Variants in VPS13A observed in about 807,000 individuals in gnomAD.
VPS13A encodes intermembrane lipid transfer protein VPS13A.
Under a neutral mutation model 390.9 loss-of-function variants are expected in VPS13A, and 264 were observed. The observed-to-expected ratio is 0.68, with a 90% CI of 0.61 to 0.75. VPS13A has a LOEUF of 0.75. Ranked by LOEUF, VPS13A falls within the 30% of genes least tolerant of loss-of-function variation. The pLI is 0.00. For synonymous variants in VPS13A, 1,231 were observed against 1,227.1 expected (o/e 1.00, Z -0.07); for missense variants, 3,409 against 3,733.9 (o/e 0.91, Z 2.27).
chr9:77,321,455 CA>C (rs1470430849), intron 43 of VPS13A, 35 bp from the exon 44 acceptor site: 20 of 1,610,798 alleles, frequency 1.2e-5, no homozygotes, highest in Non-Finnish European at 1.7e-5. Context: ...TAATTTTACA[CA>C]TTTCATTTTA....
chr9:77,372,082 T>A (rs1208558567), intron 67 of VPS13A, among the ~76,000 whole-genome samples: 2 of 151,116 alleles, frequency 1.3e-5, no homozygotes, highest in Non-Finnish European at 3.0e-5. Context: ...TCCAAGTCTT[T>A]GCTATTGTGA....
At chr9:77,414,312 C>A (rs1198697969) in intron 71 of VPS13A, among the ~76,000 whole-genome samples, 1 of 152,154 alleles carries the variant, frequency 6.6e-6, no homozygotes, top group African/African-American at 2.4e-5. Flanking sequence ...CGGCACTATT[C>A]ACAATAGCAA....
At chr9:77,362,579 A>G (rs1026610341) in intron 59 of VPS13A, among the ~76,000 whole-genome samples, 1 of 152,182 alleles carries the variant, frequency 6.6e-6, no homozygotes, top group Non-Finnish European at 1.5e-5. Context: ...CTTTTTCAAG[A>G]TGGGTTTGGC....
At chr9:77,234,542 G>T (rs1271555537) in intron 17 of VPS13A, among the ~76,000 whole-genome samples, 1 of 152,060 alleles carries the variant, frequency 6.6e-6, no homozygotes, top group Non-Finnish European at 1.5e-5. Context: ...TTTTCGATGG[G>T]TTTATTGGGA....
rs1299158011 is a variant in VPS13A at position 77,314,646 on chromosome 9, T to A, written c.4394T>A (p.Val1465Asp). ...NCILDDKRPHVKKATPRMIGL... is the reference protein window; with the variant it reads ...NCILDDKRPHDKKATPRMIGL... ...ATTTTAGATGATAAAAGACCTCATG[T>A]CAAGAAAGCAACTCCTCGGTATGTA... is the stretch of plus-strand genomic sequence containing the variant. Residue 1465 changes from valine to aspartate, a missense_variant, in exon 37 of 72, where the codon GTC (valine) becomes GAC (aspartate). Coordinates refer to ENST00000360280, the MANE Select transcript of VPS13A (RefSeq NM_033305.3). 6.2e-7 allele frequency: 1 copy of A among 1,612,426 alleles called. No individual in the cohort carries two copies. Among genetic ancestry groups the A allele is most frequent in the Non-Finnish European group, 8.5e-7 (1 of 1,178,930 alleles).
intron 33 of VPS13A, among the ~76,000 whole-genome samples, chr9:77,301,181 T>A (rs1208247423): frequency 6.6e-6 from 1 of 152,210 alleles, no homozygotes; most frequent in Non-Finnish European, 1.5e-5. Flanking sequence ...CTCAAAGATA[T>A]ATAGATGAAG....
chr9:77,303,067 CT>C lies in VPS13A; in HGVS notation c.3960+12del. ...GCTCAGCTGAAACCAATGGAGGTAA[CT>C]TTTTTTGGATACTTATCAATTTTTG... On this transcript the variant is annotated splice_donor_region_variant and intron_variant, in intron 34 of 71. Coordinates refer to ENST00000360280, the MANE Select transcript of VPS13A (RefSeq NM_033305.3). The C allele has an allele frequency of 1.2e-6, 2 of 1,613,656 alleles. No individual in the cohort carries two copies. Among genetic ancestry groups the C allele is most frequent in the Non-Finnish European group, 1.7e-6 (2 of 1,179,842 alleles).
chr9:77,306,880 G>T (rs62573224), intron 34 of VPS13A, among the ~76,000 whole-genome samples: 15,433 of 151,010 alleles, frequency 0.1, 817 homozygotes, highest in Middle Eastern at 0.12. Context: ...GACTAAATTT[G>T]TAACAGCTAG....
rs1362493601 is a variant in VPS13A at position 77,306,408 on chromosome 9, GTGTGTT to G, written c.3961-1531_3961-1526del. Reference sequence around the variant, plus strand: ...CCAGAGAGAGAGAGAGAGAGTGTGTGTGTGTTTGTGTGTGTGTGTGTGTGTGTGTGT... The same window carrying G: ...CCAGAGAGAGAGAGAGAGAGTGTGTGTGTGTGTGTGTGTGTGTGTGTGTGT... On this transcript the variant is annotated intron_variant, in intron 34 of 71. Transcript: ENST00000360280. 1.7e-3 allele frequency among the ~76,000 whole-genome samples: 223 copies of G among 134,214 alleles called. 2 individuals are homozygous for G. Among genetic ancestry groups the G allele is most frequent in the African/African-American group, 6.3e-3 (214 of 33,844 alleles). 88.0% of individuals were successfully genotyped at this position (134,214 alleles called of 152,430 possible).
intron 1 of VPS13A, among the ~76,000 whole-genome samples, chr9:77,197,744 C>T (rs961284623): frequency 6.6e-6 from 1 of 151,936 alleles, no homozygotes; most frequent in Admixed American, 6.6e-5. Context: ...TACACATAGC[C>T]CAAAGATAAT....
intron 1 of VPS13A, among the ~76,000 whole-genome samples, chr9:77,183,533 A>G (rs1824150797): frequency 6.6e-6 from 1 of 152,222 alleles, no homozygotes; most frequent in Non-Finnish European, 1.5e-5. Context: ...AGATTCATCC[A>G]TGTGGTAGTA....
rs199860034 is a variant in VPS13A at position 77,317,668 on chromosome 9, C to G, written c.4926C>G (p.Ile1642Met). ...TTQKGTDPQVIDMSVKSLTLK... is the reference protein window; with the variant it reads ...TTQKGTDPQVMDMSVKSLTLK... ...AGAAAGGTACAGATCCACAAGTGATCGATATGTCAGTAAAATCCCTGACAC... is the reference window on the plus strand; with the variant it reads ...AGAAAGGTACAGATCCACAAGTGATGGATATGTCAGTAAAATCCCTGACAC... The change falls in exon 40 of 72, where the codon ATC (isoleucine) becomes ATG (methionine). Residue 1642 changes from isoleucine to methionine, a missense_variant. Physicochemically the swap from Ile to Met is conservative, Grantham distance 10. Transcript: ENST00000360280. 5.0e-6 allele frequency: 8 copies of G among 1,597,458 alleles called. No homozygotes were observed. The Middle Eastern group carries it at 7.5e-4, about 149-fold the overall frequency.
At chr9:77,391,837 A>G (rs1004095472) in intron 68 of VPS13A, among the ~76,000 whole-genome samples, 8 of 152,242 alleles carry the variant, frequency 5.3e-5, no homozygotes, top group African/African-American at 1.9e-4. Flanking sequence ...ATTTGGTAGC[A>G]TAGTTTATAT....
chr9:77,362,713 C>T (rs938676818), intron 59 of VPS13A, among the ~76,000 whole-genome samples: 8 of 152,170 alleles, frequency 5.3e-5, no homozygotes, highest in African/African-American at 1.7e-4. Context: ...GAAGTATTGC[C>T]ATCCTAACAG....
At chr9:77,346,075 T>G (rs1831135251) in intron 52 of VPS13A, among the ~76,000 whole-genome samples, 1 of 152,188 alleles carries the variant, frequency 6.6e-6, no homozygotes. Flanking sequence ...CTGCTTTTAG[T>G]TCTTTAAGGA....
At chr9:77,184,867 G>T (rs1258970041) in intron 1 of VPS13A, among the ~76,000 whole-genome samples, 1 of 152,052 alleles carries the variant, frequency 6.6e-6, no homozygotes, top group Non-Finnish European at 1.5e-5. Flanking sequence ...CCACAACAGG[G>T]AGGGCATGGA....
chr9:77,369,013 A>C (rs1235452865), intron 62 of VPS13A, among the ~76,000 whole-genome samples: 1 of 152,154 alleles, frequency 6.6e-6, no homozygotes, highest in Admixed American at 6.6e-5. Flanking sequence ...GCATGCCTGT[A>C]GTCCCAGCTT....
At chr9:77,354,057 G>A (rs1831624387) in intron 54 of VPS13A, among the ~76,000 whole-genome samples, 1 of 151,906 alleles carries the variant, frequency 6.6e-6, no homozygotes, top group Non-Finnish European at 1.5e-5. Flanking sequence ...GATCTAATAA[G>A]GTGATCACTG....
chr9:77,236,099 A>G lies in VPS13A; in HGVS notation c.1596-1903A>G, dbSNP rs372857221. ...GCTAGGCTAGGCTATGATGCTTGGT[A>G]GGCTAGGTGTGTCAAATGCATTTTA... On this transcript the variant is annotated intron_variant, in intron 17 of 71. Coordinates refer to ENST00000360280, the MANE Select transcript of VPS13A (RefSeq NM_033305.3). Among the ~76,000 whole-genome samples the G allele has an allele frequency of 3.9e-5, 6 of 152,306 alleles. No individual in the cohort carries two copies. The East Asian group carries it at 1.2e-3, about 29-fold the overall frequency.
Sources: allele counts gnomAD v4.1 joint callset (sites outside exome capture counted in the v4.1 genomes callset), GRCh38; gene constraint gnomAD v4.1.1; transcripts MANE v1.5; gene names NCBI Gene and HGNC (gene_info 2026-07-23, HGNC 2026-07-21).